L3MBTL4: variants seen among roughly 807,000 people sequenced by gnomAD.
L3MBTL4 encodes lethal(3)malignant brain tumor-like protein 4.
L3MBTL4 carries 70 observed loss-of-function variants against 84.5 expected under a neutral mutation model. The observed-to-expected ratio is 0.83, with a 90% confidence interval of 0.68 to 1.01. The LOEUF is 1.01. Among genes scored for constraint, L3MBTL4 ranks in the 50% least tolerant of loss-of-function variants. The probability of loss-of-function intolerance (pLI) is 0.00; values close to 1 mark genes in which losing one functional copy is unlikely to be tolerated. For synonymous variants in L3MBTL4, 274 were observed against 259.8 expected, an observed-to-expected ratio of 1.05 and a Z score of -0.52; for missense variants, 715 against 754.8, an observed-to-expected ratio of 0.95 and a Z score of 0.62.
chr18:6,229,996 C>A (rs1304581017), intron 10 of L3MBTL4, among the ~76,000 whole-genome samples: 2 of 152,204 alleles, frequency 1.3e-5, no homozygotes, highest in East Asian at 1.9e-4. Context: ...ATGGATTTTT[C>A]TTTTTATTCT....
intron 14 of L3MBTL4, among the ~76,000 whole-genome samples, chr18:6,102,455 G>T (rs1393645347): frequency 6.6e-6 from 1 of 152,124 alleles, no homozygotes; most frequent in East Asian, 1.9e-4. Context: ...CTTCCTCTGA[G>T]GAGCTACCTT....
At chr18:6,187,243 C>CT (rs896050980) in intron 12 of L3MBTL4, among the ~76,000 whole-genome samples, 5 of 151,696 alleles carry the variant, frequency 3.3e-5, no homozygotes, top group African/African-American at 4.8e-5. Flanking sequence ...GGAGTAGATG[C>CT]TTTTTTTTAG....
At chr18:6,056,011 G>A (rs1055921091) in intron 16 of L3MBTL4, among the ~76,000 whole-genome samples, 9 of 152,052 alleles carry the variant, frequency 5.9e-5, no homozygotes, top group African/African-American at 2.2e-4. Flanking sequence ...TCAGCCAGGC[G>A]GAAAACGCCT....
chr18:6,235,719 GT>G (rs1198507085), intron 10 of L3MBTL4, among the ~76,000 whole-genome samples: 3 of 152,166 alleles, frequency 2.0e-5, no homozygotes, highest in African/African-American at 7.2e-5. Context: ...AATCACAGAA[GT>G]TTTTACAGGG....
chr18:6,148,878 A>G (rs2042765251), intron 13 of L3MBTL4, among the ~76,000 whole-genome samples: 1 of 152,160 alleles, frequency 6.6e-6, no homozygotes, highest in Admixed American at 6.5e-5. Flanking sequence ...AATGGCACCT[A>G]AGGGTTTTTA....
chr18:6,242,651 A>G (rs774432159), intron 7 of L3MBTL4, among the ~76,000 whole-genome samples: 9 of 152,206 alleles, frequency 5.9e-5, no homozygotes, highest in Non-Finnish European at 1.2e-4. Flanking sequence ...TGCCACAGAC[A>G]TCGAACAGTC....
At chr18:6,310,560 G>A (rs1031400933) in intron 3 of L3MBTL4, among the ~76,000 whole-genome samples, 2 of 152,148 alleles carry the variant, frequency 1.3e-5, no homozygotes, top group African/African-American at 2.4e-5. Flanking sequence ...TGTATTACAT[G>A]ATGTCACTTC....
At chr18:5,987,989 T>C (rs1190157518) in intron 16 of L3MBTL4, among the ~76,000 whole-genome samples, 1 of 152,238 alleles carries the variant, frequency 6.6e-6, no homozygotes, top group Non-Finnish European at 1.5e-5. Context: ...TAATTAAGCA[T>C]AAATACATTA....
intron 1 of L3MBTL4, among the ~76,000 whole-genome samples, chr18:6,365,574 A>G (rs1182082704): frequency 6.6e-6 from 1 of 152,204 alleles, no homozygotes; most frequent in Admixed American, 6.5e-5. Context: ...GGCAGCAACA[A>G]TAGTGTGGTT....
chr18:6,013,443 TATG>T (rs2054824909), intron 16 of L3MBTL4, among the ~76,000 whole-genome samples: 1 of 152,214 alleles, frequency 6.6e-6, no homozygotes, highest in African/African-American at 2.4e-5. Context: ...TTCACTTTTC[TATG>T]ATGATGAGGA....
intron 5 of L3MBTL4, among the ~76,000 whole-genome samples, chr18:6,247,271 G>T (rs75194661): frequency 0.011 from 1,708 of 151,494 alleles, 31 homozygotes; most frequent in African/African-American, 0.039. Context: ...TTCCAATTTT[G>T]TCCATTTATC....
intron 16 of L3MBTL4, among the ~76,000 whole-genome samples, chr18:5,975,755 C>T (rs1341389792): frequency 2.0e-5 from 3 of 152,194 alleles, no homozygotes; most frequent in East Asian, 3.8e-4. Context: ...TGTCTATTTC[C>T]GTATGGGAAC....
intron 10 of L3MBTL4, among the ~76,000 whole-genome samples, chr18:6,229,434 CT>C (rs1167419080): frequency 1.3e-5 from 2 of 152,080 alleles, no homozygotes; most frequent in East Asian, 1.9e-4. Flanking sequence ...CCTTTTCACA[CT>C]GTTGATACTC....
chr18:6,168,320 A>G (rs1008148088), intron 13 of L3MBTL4, among the ~76,000 whole-genome samples: 5 of 152,230 alleles, frequency 3.3e-5, no homozygotes, highest in African/African-American at 7.2e-5. Context: ...AAATTGGAAA[A>G]AAGCTACTTT....
At chr18:6,082,579 A>G (rs2058116511) in intron 15 of L3MBTL4, 2 of 152,162 alleles carry the variant, frequency 1.3e-5, no homozygotes, top group Non-Finnish European at 2.9e-5. Flanking sequence ...TACAAATTTT[A>G]TGAAACTTCA....
chr18:6,155,806 G>A (rs897570688), intron 13 of L3MBTL4, among the ~76,000 whole-genome samples: 2 of 152,068 alleles, frequency 1.3e-5, no homozygotes, highest in African/African-American at 4.8e-5. Flanking sequence ...TGCTTAGAAT[G>A]CAGAGTGAAA....
In L3MBTL4 at chr18:6,231,740, T is replaced by C. The variant is rs1005548594; in HGVS notation, c.784+6224A>G. 2.6e-5 allele frequency among the ~76,000 whole-genome samples: 4 copies of C among 152,300 alleles called. 1 individual carries two copies. The highest frequency in any genetic ancestry group is 2.0e-4 in the Admixed American group (3 of 15,288). ...AGTAAAGAAATGCAACTGATTTTTGTGTGTTGATTTTGTATCCTGCCATTT... is the reference window on the plus strand; with the variant it reads ...AGTAAAGAAATGCAACTGATTTTTGCGTGTTGATTTTGTATCCTGCCATTT... On this transcript the variant is annotated intron_variant, in intron 10 of 18. Coordinates refer to ENST00000317931, the MANE Select transcript of L3MBTL4 (RefSeq NM_001330559.2).
intron 16 of L3MBTL4, among the ~76,000 whole-genome samples, chr18:5,994,829 A>T (rs927257274): frequency 1.3e-5 from 2 of 152,216 alleles, no homozygotes; most frequent in African/African-American, 4.8e-5. Context: ...TCTCAGGAAT[A>T]CCCTTGAAAT....
intron 4 of L3MBTL4, among the ~76,000 whole-genome samples, chr18:6,290,086 A>G (rs2049784129): frequency 6.6e-6 from 1 of 151,956 alleles, no homozygotes; most frequent in South Asian, 2.1e-4. Context: ...ACACCCGGCT[A>G]ATTTTGTTTA....
Sources: allele counts gnomAD v4.1 joint callset (sites outside exome capture counted in the v4.1 genomes callset), GRCh38; gene constraint gnomAD v4.1.1; transcripts MANE v1.5; gene names NCBI Gene and HGNC (gene_info 2026-07-23, HGNC 2026-07-21).